The following LOC400499 variants were observed in gnomAD, a reference collection of about 807,000 sequenced individuals.
the LOC400499 span, among the ~76,000 whole-genome samples, chr16:11,416,541 G>C: frequency 2.0e-5 from 3 of 152,168 alleles, no homozygotes; most frequent in South Asian, 4.1e-4. Context: ...CGGCGAAGCA[G>C]ACAAAAGTCA....
At chr16:11,428,009 G>A in the LOC400499 span, among the ~76,000 whole-genome samples, 50 of 152,230 alleles carry the variant, frequency 3.3e-4, 2 homozygotes, top group East Asian at 9.7e-3. Flanking sequence ...AAAGAATTCA[G>A]GGAAAGTCCA....
At chr16:11,483,358 A>T in the LOC400499 span, among the ~76,000 whole-genome samples, 1 of 152,240 alleles carries the variant, frequency 6.6e-6, no homozygotes, top group Non-Finnish European at 1.5e-5. Flanking sequence ...ACAAATATTC[A>T]TAGCAGCTTT....
At chr16:11,392,573 C>T in the LOC400499 span, 53 of 403,386 alleles carry the variant, frequency 1.3e-4, no homozygotes, top group Middle Eastern at 6.2e-4. Context: ...CACCGCTTTC[C>T]GTAGCTCCCC....
chr16:11,481,759 A>G, the LOC400499 span, among the ~76,000 whole-genome samples: 2 of 152,078 alleles, frequency 1.3e-5, no homozygotes, highest in African/African-American at 4.8e-5. Context: ...CAGCCTCCAG[A>G]ATATCTGGTA....
At chr16:11,384,210 G>A in the LOC400499 span, 16 of 1,230,658 alleles carry the variant, frequency 1.3e-5, no homozygotes, top group Admixed American at 2.5e-4. Context: ...AGGTGCACCC[G>A]CTCACCTGCC....
chr16:11,396,094 A>G, the LOC400499 span, among the ~76,000 whole-genome samples: 1 of 152,236 alleles, frequency 6.6e-6, no homozygotes, highest in Admixed American at 6.5e-5. Flanking sequence ...GCACTGCTCT[A>G]AGCGATCTAT....
the LOC400499 span, chr16:11,384,786 C>T: frequency 9.6e-7 from 1 of 1,045,710 alleles, no homozygotes; most frequent in Non-Finnish European, 1.2e-6. Flanking sequence ...CCGGCAGAGG[C>T]TCTGCATGCA....
At chr16:11,399,317 A>T in the LOC400499 span, 3 of 864,694 alleles carry the variant, frequency 3.5e-6, no homozygotes, top group African/African-American at 3.7e-5. Flanking sequence ...ACCATTTCAC[A>T]GATGAGAACA....
At chr16:11,378,525 A>C in the LOC400499 span, among the ~76,000 whole-genome samples, 1 of 152,176 alleles carries the variant, frequency 6.6e-6, no homozygotes, top group South Asian at 2.1e-4. Context: ...CGGCCTCCCA[A>C]AGTGCTGGGA....
the LOC400499 span, among the ~76,000 whole-genome samples, chr16:11,405,385 TCC>T: frequency 6.6e-6 from 1 of 151,978 alleles, no homozygotes; most frequent in Non-Finnish European, 1.5e-5. Context: ...CTTAAGGGGC[TCC>T]CAGGGAGATA....
chr16:11,407,355 A>C, the LOC400499 span: 5 of 398,642 alleles, frequency 1.3e-5, no homozygotes, highest in East Asian at 1.8e-4. Flanking sequence ...AGAAAAAAAA[A>C]AAACCACCAC....
At chr16:11,405,129 G>C in the LOC400499 span, among the ~76,000 whole-genome samples, 1 of 152,214 alleles carries the variant, frequency 6.6e-6, no homozygotes, top group South Asian at 2.1e-4. Flanking sequence ...TGGCCAAGCT[G>C]TGTGGCTCTG....
At chr16:11,384,997 C>T in the LOC400499 span, 1 of 1,232,216 alleles carries the variant, frequency 8.1e-7, no homozygotes, top group Non-Finnish European at 1.0e-6. Flanking sequence ...CCTTCCTTGT[C>T]GTGGCAGGAT....
the LOC400499 span, among the ~76,000 whole-genome samples, chr16:11,434,386 C>A: frequency 1.3e-5 from 2 of 151,934 alleles, no homozygotes; most frequent in African/African-American, 2.4e-5. Context: ...TATCCAGGTG[C>A]GGTGGTGAGC....
At chr16:11,402,738 C>A in the LOC400499 span, among the ~76,000 whole-genome samples, 1 of 152,182 alleles carries the variant, frequency 6.6e-6, no homozygotes, top group African/African-American at 2.4e-5. Flanking sequence ...ATGAGGAAGA[C>A]CAGAAAAGCT....
the LOC400499 span, chr16:11,448,951 T>G: frequency 6.0e-5 from 90 of 1,502,122 alleles, no homozygotes; most frequent in Non-Finnish European, 7.4e-5. Flanking sequence ...GCTGTTAGGT[T>G]CAGCTCCTGC....
At chr16:11,396,190 C>T in the LOC400499 span, among the ~76,000 whole-genome samples, 196 of 152,322 alleles carry the variant, frequency 1.3e-3, no homozygotes, top group African/African-American at 4.6e-3. Context: ...GGGGAGGAAA[C>T]TCAGGTACCA....
At chr16:11,413,850 G>C in the LOC400499 span, among the ~76,000 whole-genome samples, 1 of 152,208 alleles carries the variant, frequency 6.6e-6, no homozygotes, top group Non-Finnish European at 1.5e-5. Flanking sequence ...TTTTGCAGAT[G>C]AGGAGATGAG....
the LOC400499 span, chr16:11,383,705 C>T: frequency 1.6e-6 from 2 of 1,232,478 alleles, no homozygotes; most frequent in Non-Finnish European, 2.0e-6. Flanking sequence ...TAGGCGGCCG[C>T]CAGGTTGCAG....
Sources: allele counts gnomAD v4.1 joint callset (sites outside exome capture counted in the v4.1 genomes callset), GRCh38; gene constraint gnomAD v4.1.1; transcripts MANE v1.5.